The following PLD5 variants were observed in gnomAD, a reference collection of about 807,000 sequenced individuals.
PLD5 encodes the protein inactive phospholipase D5.
A neutral mutation model predicts 61.1 loss-of-function variants in PLD5; 36 were observed. The observed-to-expected ratio is 0.59, with a 90% CI of 0.45 to 0.78. The LOEUF (loss-of-function observed/expected upper bound fraction) is 0.78. PLD5 is among the 30% of genes least tolerant of loss of function. The pLI is 0.00. For missense variants in PLD5, 515 were observed against 644.4 expected (o/e 0.80, Z 2.17); for synonymous variants, 243 against 242.8 (o/e 1.00, Z -0.01).
intron 1 of PLD5, among the ~76,000 whole-genome samples, chr1:242,421,539 C>T (rs1301040760): frequency 6.6e-6 from 1 of 152,130 alleles, no homozygotes; most frequent in Non-Finnish European, 1.5e-5. Context: ...AATCATACGA[C>T]CAAGCCTGAC....
At chr1:242,135,618 G>A (rs1462395572) in intron 5 of PLD5, among the ~76,000 whole-genome samples, 1 of 151,920 alleles carries the variant, frequency 6.6e-6, no homozygotes, top group Admixed American at 6.5e-5. Flanking sequence ...GATACTGGAG[G>A]TATAAAGTTA....
chr1:242,237,451 C>T (rs1358331682), intron 4 of PLD5, among the ~76,000 whole-genome samples: 1 of 152,172 alleles, frequency 6.6e-6, no homozygotes. Context: ...TTCCTTTCAG[C>T]TTTTCTCCTG....
chr1:242,511,519 G>T (rs146763907), intron 1 of PLD5, among the ~76,000 whole-genome samples: 43 of 152,146 alleles, frequency 2.8e-4, no homozygotes, highest in African/African-American at 1.0e-3. Flanking sequence ...GCCATGATAT[G>T]ATGTGACAAG....
rs142896328 is a variant in PLD5 at position 242,466,101 on chromosome 1, T to C, written c.189+57987A>G. On this transcript the variant is annotated intron_variant, in intron 1 of 9. Coordinates refer to ENST00000536534, the MANE Select transcript of PLD5 (RefSeq NM_001372062.1). Reference sequence around the variant, plus strand: ...CATTTTATGCTGAATACTGCCCACCTCCCACATACAATTCTGATTCCCCCA... The same window carrying C: ...CATTTTATGCTGAATACTGCCCACCCCCCACATACAATTCTGATTCCCCCA... 1.9e-3 allele frequency among the ~76,000 whole-genome samples: 289 copies of C among 152,292 alleles called. 1 individual carries two copies. The highest frequency in any genetic ancestry group is 0.014 in the South Asian group (66 of 4,824).
chr1:242,168,577 G>C (rs1434211849), intron 5 of PLD5, among the ~76,000 whole-genome samples: 1 of 152,024 alleles, frequency 6.6e-6, no homozygotes, highest in Non-Finnish European at 1.5e-5. Flanking sequence ...AGGTTTTGGG[G>C]CATTCATCTT....
At chr1:242,162,035 G>A (rs934503292) in intron 5 of PLD5, among the ~76,000 whole-genome samples, 3 of 152,210 alleles carry the variant, frequency 2.0e-5, no homozygotes, top group African/African-American at 7.2e-5. Flanking sequence ...TATTTGGTAG[G>A]CAACAAAATA....
intron 4 of PLD5, among the ~76,000 whole-genome samples, chr1:242,221,685 A>T (rs981792863): frequency 6.6e-6 from 1 of 152,158 alleles, no homozygotes; most frequent in Non-Finnish European, 1.5e-5. Context: ...GCCATCCTGG[A>T]ATAGTAACAT....
intron 1 of PLD5, among the ~76,000 whole-genome samples, chr1:242,474,816 C>T (rs762023191): frequency 1.3e-5 from 2 of 152,178 alleles, no homozygotes; most frequent in Non-Finnish European, 2.9e-5. Flanking sequence ...ACACCCACAC[C>T]TGAAATCACC....
intron 1 of PLD5, among the ~76,000 whole-genome samples, chr1:242,496,924 T>C (rs1281441877): frequency 6.6e-6 from 1 of 152,212 alleles, no homozygotes; most frequent in East Asian, 1.9e-4. Flanking sequence ...GGATGTGTTC[T>C]AAAGGGGAGG....
chr1:242,244,021 C>T (rs1400556739), intron 4 of PLD5, among the ~76,000 whole-genome samples: 1 of 152,088 alleles, frequency 6.6e-6, no homozygotes, highest in Non-Finnish European at 1.5e-5. Context: ...CTGAAAGCTC[C>T]CAAATTGTCT....
chr1:242,337,514 C>T (rs1219817595), intron 2 of PLD5, among the ~76,000 whole-genome samples: 1 of 151,956 alleles, frequency 6.6e-6, no homozygotes, highest in African/African-American at 2.4e-5. Context: ...GCCTGTAATC[C>T]CAGATACTCA....
intron 1 of PLD5, among the ~76,000 whole-genome samples, chr1:242,396,673 C>CTTTTTT (rs1202041198): frequency 7.7e-5 from 10 of 129,534 alleles, no homozygotes; most frequent in Non-Finnish European, 1.2e-4. Context: ...CTTTTCTTTT[C>CTTTTTT]TTTTTTTTTT....
chr1:242,139,368 T>G (rs141359641), intron 5 of PLD5, among the ~76,000 whole-genome samples: 1 of 152,314 alleles, frequency 6.6e-6, no homozygotes, highest in East Asian at 1.9e-4. Flanking sequence ...TCCTCTGCTT[T>G]TCCTCCTTCC....
At chr1:242,372,741 T>G (rs977886132) in intron 1 of PLD5, among the ~76,000 whole-genome samples, 1 of 152,208 alleles carries the variant, frequency 6.6e-6, no homozygotes, top group Non-Finnish European at 1.5e-5. Flanking sequence ...GCTAGCCATA[T>G]GTAGAAAGCT....
intron 1 of PLD5, among the ~76,000 whole-genome samples, chr1:242,505,762 A>G (rs1668699389): frequency 6.6e-6 from 1 of 152,192 alleles, no homozygotes; most frequent in African/African-American, 2.4e-5. Flanking sequence ...GGGCATGGGT[A>G]TTCTCACTGC....
Position 242,089,077 on chromosome 1 carries a change from T to G in PLD5, c.*777A>C. 2.7e-6 allele frequency: 1 copy of G among 365,726 alleles called. No homozygotes were observed. The highest frequency in any genetic ancestry group is 4.8e-6 in the Non-Finnish European group (1 of 206,390). The allele number at this position is 365,726 out of a possible 1,614,324, so 22.7% of individuals were successfully genotyped here. ...GAGAGAAAGGATACATATTGCTGAC[T>G]GTGATTTTTTTTAAATACCAATTCG... On this transcript the variant is annotated 3_prime_UTR_variant, in exon 10 of 10. Coordinates refer to ENST00000536534, the MANE Select transcript of PLD5 (RefSeq NM_001372062.1).
At chr1:242,394,998 T>TATATATGA (rs1297304505) in intron 1 of PLD5, among the ~76,000 whole-genome samples, 646 of 61,866 alleles carry the variant, frequency 0.01, 52 homozygotes, top group East Asian at 0.024. Flanking sequence ...AATATATATG[T>TATATATGA]ATATATGAAT....
chr1:242,292,772 C>T (rs1483381456), intron 2 of PLD5, among the ~76,000 whole-genome samples: 4 of 152,188 alleles, frequency 2.6e-5, no homozygotes, highest in Non-Finnish European at 5.9e-5. Context: ...TTTCCAAGTC[C>T]TTCTCACTAC....
intron 1 of PLD5, among the ~76,000 whole-genome samples, chr1:242,399,703 G>A (rs1663813155): frequency 6.6e-6 from 1 of 151,984 alleles, no homozygotes; most frequent in Non-Finnish European, 1.5e-5. Flanking sequence ...AAACTATTAT[G>A]GTACCAATGG....
Sources: allele counts gnomAD v4.1 joint callset (sites outside exome capture counted in the v4.1 genomes callset), GRCh38; gene constraint gnomAD v4.1.1; transcripts MANE v1.5; gene names NCBI Gene and HGNC (gene_info 2026-07-23, HGNC 2026-07-21).